The following ECT2L variants were observed in gnomAD, a reference collection of about 807,000 sequenced individuals.
ECT2L encodes the protein epithelial cell-transforming sequence 2 oncogene-like.
A neutral mutation model predicts 122.8 loss-of-function variants in ECT2L; 126 were observed. The ratio of observed to expected loss-of-function variants is 1.03; its 90% confidence interval spans 0.89 to 1.19. ECT2L has a LOEUF of 1.19. Ranked by LOEUF, ECT2L falls within the 50% of genes most tolerant of loss-of-function variation. The pLI is 0.00. For missense variants in ECT2L, 1,012 were observed against 1,064.1 expected (o/e 0.95, Z 0.68); for synonymous variants, 385 against 381.8 (o/e 1.01, Z -0.10).
At chr6:138,873,819 AC>A (rs1395995910) in intron 13 of ECT2L, among the ~76,000 whole-genome samples, 4 of 151,896 alleles carry the variant, frequency 2.6e-5, no homozygotes, top group Non-Finnish European at 4.4e-5. Flanking sequence ...AACAAAAAAA[AC>A]AAACCCTCCC....
intron 21 of ECT2L, among the ~76,000 whole-genome samples, chr6:138,901,759 G>A (rs1475634849): frequency 2.0e-5 from 3 of 152,136 alleles, no homozygotes; most frequent in African/African-American, 7.2e-5. Flanking sequence ...TCCTATATCT[G>A]TTAGGCCAGG....
intron 10 of ECT2L, among the ~76,000 whole-genome samples, chr6:138,858,799 G>C (rs1031903858): frequency 6.7e-6 from 1 of 148,154 alleles, no homozygotes; most frequent in African/African-American, 2.5e-5. Flanking sequence ...TCAACTTCCC[G>C]GGGTCAAGCG....
At chr6:138,855,401 C>T (rs1412995248) in intron 10 of ECT2L, among the ~76,000 whole-genome samples, 3 of 151,926 alleles carry the variant, frequency 2.0e-5, no homozygotes, top group East Asian at 1.9e-4. Context: ...CCCAGCTACT[C>T]GGGAGGCTGA....
At chr6:138,895,312 A>G (rs888793912) in intron 20 of ECT2L, among the ~76,000 whole-genome samples, 2 of 152,066 alleles carry the variant, frequency 1.3e-5, no homozygotes, top group African/African-American at 2.4e-5. Flanking sequence ...TCTTTACCAT[A>G]TATGTTAGCT....
chr6:138,860,994 C>G (rs1438195281), intron 10 of ECT2L, among the ~76,000 whole-genome samples: 1 of 151,960 alleles, frequency 6.6e-6, no homozygotes, highest in African/African-American at 2.4e-5. Flanking sequence ...TTTTCTGTTC[C>G]TGTGTTAGTT....
intron 10 of ECT2L, among the ~76,000 whole-genome samples, chr6:138,860,025 A>C (rs896233604): frequency 3.9e-5 from 6 of 152,058 alleles, no homozygotes; most frequent in Admixed American, 6.6e-5. Flanking sequence ...GGGTTTCACC[A>C]TGTTGGCCAG....
Position 138,834,337 on chromosome 6 carries a change from A to AT in ECT2L, c.180-4006dup, listed in dbSNP as rs575755002. On this transcript the variant is annotated intron_variant, in intron 4 of 21. Coordinates refer to ENST00000541398, the MANE Select transcript of ECT2L (RefSeq NM_001077706.3). ...CCTACCTTAGTTCTGCTGATCATGTATTTTTTTTTAATGTGACGGAAGCAT... is the reference window on the plus strand; with the variant it reads ...CCTACCTTAGTTCTGCTGATCATGTATTTTTTTTTTAATGTGACGGAAGCAT... 2.2e-3 allele frequency among the ~76,000 whole-genome samples: 331 copies of AT among 150,992 alleles called. 1 individual carries two copies. Among genetic ancestry groups the AT allele is most frequent in the Admixed American group, 4.7e-3 (71 of 15,150 alleles).
At chr6:138,815,390 T>C (rs1776032631) in intron 4 of ECT2L, among the ~76,000 whole-genome samples, 1 of 152,202 alleles carries the variant, frequency 6.6e-6, no homozygotes, top group Non-Finnish European at 1.5e-5. Flanking sequence ...GACCGAAATA[T>C]TCTAGAGAGC....
Position 138,897,874 on chromosome 6 carries a change from T to C in ECT2L, c.2415-3074T>C, listed in dbSNP as rs552602408. On this transcript the variant is annotated intron_variant, in intron 20 of 21. Transcript: ENST00000541398. Reference sequence around the variant, plus strand: ...CTTTCATTCACCTCTAATATCGGCATTGTCCCTTCCAAAGGAAAAAACTGA... The same window carrying C: ...CTTTCATTCACCTCTAATATCGGCACTGTCCCTTCCAAAGGAAAAAACTGA... Among the ~76,000 whole-genome samples, 273 of 152,258 alleles carry C rather than the reference T, an allele frequency of 1.8e-3. No individual in the cohort carries two copies. The Middle Eastern group carries it at 0.031, about 17-fold the overall frequency.
chr6:138,852,243 C>T (rs1260795789), intron 9 of ECT2L, among the ~76,000 whole-genome samples: 2 of 152,100 alleles, frequency 1.3e-5, no homozygotes, highest in African/African-American at 4.8e-5. Flanking sequence ...GCCTGGGCTA[C>T]AGAGCAAGAC....
In ECT2L at chr6:138,888,988, G is replaced by A; in HGVS notation, c.2371G>A (p.Ala791Thr). 6.4e-7 allele frequency: 1 copy of A among 1,551,346 alleles called. No homozygotes were observed. Among genetic ancestry groups the A allele is most frequent in the South Asian group, 1.2e-5 (1 of 80,398 alleles). ...ATATCTGATTAGGGTACAAGATGTAGCCCAACTTCATTGCTGTGATGAAGA... is the reference window on the plus strand; with the variant it reads ...ATATCTGATTAGGGTACAAGATGTAACCCAACTTCATTGCTGTGATGAAGA... ...NRYLIRVQDVAQLHCCDEEIS... is the reference protein window; with the variant it reads ...NRYLIRVQDVTQLHCCDEEIS... The change falls in exon 20 of 22, where the codon GCC becomes ACC. Residue 791 changes from alanine (A) to threonine (T), a missense_variant. Transcript: ENST00000541398.
intron 4 of ECT2L, among the ~76,000 whole-genome samples, chr6:138,824,456 TGCA>T (rs1357565916): frequency 2.0e-5 from 3 of 149,512 alleles, no homozygotes; most frequent in African/African-American, 4.9e-5. Context: ...TGAATAAGTA[TGCA>T]GCAGAACTCC....
Position 138,888,940 on chromosome 6 carries a change from CAG to C in ECT2L, c.2326-1_2326del. 4 of 1,416,484 alleles carry C rather than the reference CAG, an allele frequency of 2.8e-6. No individual in the cohort carries two copies. Among genetic ancestry groups the C allele is most frequent in the Non-Finnish European group, 3.7e-6 (4 of 1,070,546 alleles). The allele number at this position is 1,416,484 out of a possible 1,614,324, so 87.7% of individuals were successfully genotyped here. On this transcript the variant is annotated splice_acceptor_variant, in intron 19 of 21. Transcript: ENST00000541398. LOFTEE classifies it high-confidence loss of function. ...ACTTCTAATTTTGTTTTTGATTTTA[CAG>C]ACTCTATCAGAAGTAAACAGATATC...
chr6:138,865,957 GA>G (rs1778020176), intron 12 of ECT2L, among the ~76,000 whole-genome samples: 1 of 152,158 alleles, frequency 6.6e-6, no homozygotes, highest in Admixed American at 6.5e-5. Context: ...ATCTACACAA[GA>G]GCTGTAACAC....
chr6:138,796,813 T>C (rs899327953), intron 1 of ECT2L, among the ~76,000 whole-genome samples: 2 of 152,224 alleles, frequency 1.3e-5, no homozygotes, highest in East Asian at 1.9e-4. Context: ...CCTGACATCA[T>C]TGGTGTTAAA....
At chr6:138,882,452 A>G (rs937272725) in intron 15 of ECT2L, among the ~76,000 whole-genome samples, 1 of 152,216 alleles carries the variant, frequency 6.6e-6, no homozygotes, top group African/African-American at 2.4e-5. Flanking sequence ...CTAGGACATT[A>G]GGCAGCAGCT....
rs750133754 is a variant in ECT2L, at chr6:138,882,770, G to C, written c.1927G>C (p.Ala643Pro). The C allele has an allele frequency of 3.7e-6, 6 of 1,614,210 alleles. No individual in the cohort carries two copies. The Admixed American group carries it at 1.0e-4, about 27-fold the overall frequency. ...AGACAGACTGCAGGAATGGGGCCCA[G>C]CTCACTGTGTGGGAGAAATAGTCAC... ...LRDRLQEWGPAHCVGEIVTKF... is the reference protein window; with the variant it reads ...LRDRLQEWGPPHCVGEIVTKF... The change falls in exon 16 of 22, where the codon GCT (alanine) becomes CCT (proline). Residue 643 changes from alanine (A) to proline (P), a missense_variant. Coordinates refer to ENST00000541398, the MANE Select transcript of ECT2L (RefSeq NM_001077706.3).
chr6:138,885,609 TC>T, intron 17 of ECT2L, 30 bp downstream of exon 17: 1 of 1,613,600 alleles, frequency 6.2e-7, no homozygotes, highest in South Asian at 1.1e-5. Flanking sequence ...ACAGCAGGGG[TC>T]CCCCCAGAGA....
chr6:138,853,533 A>T (rs1414227166), intron 9 of ECT2L, among the ~76,000 whole-genome samples: 1 of 152,156 alleles, frequency 6.6e-6, no homozygotes, highest in Non-Finnish European at 1.5e-5. Context: ...GGACTCCTTT[A>T]GAAATGGGTC....
Sources: gnomAD v4.1 joint callset for allele counts (sites outside exome capture counted in the v4.1 genomes callset) on GRCh38, gnomAD v4.1.1 for gene constraint, MANE v1.5 for transcripts, NCBI Gene and HGNC (gene_info 2026-07-23, HGNC 2026-07-21) for gene names.